The following MYO7A variants were observed in gnomAD, a reference collection of about 807,000 sequenced individuals.
MYO7A encodes myosin VIIA.
In MYO7A, 210 loss-of-function variants were observed where a neutral mutation model predicts 263.8. The observed-to-expected ratio is 0.80, with a 90% CI of 0.71 to 0.89. The LOEUF is 0.89. Ranked by LOEUF, MYO7A falls within the 40% of genes least tolerant of loss-of-function variation. MYO7A has a pLI of 0.00. For missense variants in MYO7A, 2,820 were observed against 2,968.3 expected, an observed-to-expected ratio of 0.95 and a Z score of 1.16; for synonymous variants, 1,239 against 1,197.3, an observed-to-expected ratio of 1.03 and a Z score of -0.72.
At chr11:77,186,840 A>C (rs1955680587) in intron 27 of MYO7A, among the ~76,000 whole-genome samples, 1 of 152,224 alleles carries the variant, frequency 6.6e-6, no homozygotes, top group South Asian at 2.1e-4. Flanking sequence ...TGCTTTGCAC[A>C]AGAGGCCCAG....
At chr11:77,190,202 G>C (rs1955951411) in intron 29 of MYO7A, 63 bp downstream of exon 29, 2 of 1,430,712 alleles carry the variant, frequency 1.4e-6, no homozygotes, top group Non-Finnish European at 1.9e-6. Flanking sequence ...ATGCGTGTGT[G>C]TGTGTGTCCA....
At chr11:77,178,576 T>C (rs1012603047) in intron 19 of MYO7A, among the ~76,000 whole-genome samples, 2 of 152,180 alleles carry the variant, frequency 1.3e-5, no homozygotes, top group African/African-American at 4.8e-5. Context: ...ATGGTCTCTG[T>C]CCTCTATCAG....
chr11:77,177,649 TG>T lies in MYO7A; in HGVS notation c.2282+7del. 1 of 1,603,656 alleles carries T rather than the reference TG, an allele frequency of 6.2e-7. No individual in the cohort carries two copies. The highest frequency in any genetic ancestry group is 2.2e-5 in the East Asian group (1 of 44,572). ...ATCCGGGGATTCAAAGACAGGTGCG[TG>T]TTCCCACCAGCTCCTCCCCTCCTCA... On this transcript the variant is annotated splice_region_variant and intron_variant, in intron 19 of 48. Transcript: ENST00000409709.
In MYO7A at chr11:77,159,472, C is replaced by G; in HGVS notation, c.1029C>G (p.Ala343=). 2 of 1,594,946 alleles carry G rather than the reference C, an allele frequency of 1.3e-6. No homozygotes were observed. The highest frequency in any genetic ancestry group is 1.7e-6 in the Non-Finnish European group (2 of 1,168,774). ...YEARTFENLD[A]CEVLFSPSLA... ...CACGCACATTTGAAAACCTGGATGC[C>G]TGTGAGGTTCTCTTCTCCCCATCGC... The change falls in exon 10 of 49, where the codon GCC becomes GCG. Residue 343 remains alanine, a synonymous_variant. Transcript: ENST00000409709.
At position 77,199,564 on chromosome 11, in the gene MYO7A, G is replaced by A. The variant is rs772023864; in HGVS notation, c.4598G>A (p.Cys1533Tyr). The change falls in exon 35 of 49, where the codon TGC becomes TAC. Residue 1533 changes from cysteine to tyrosine, a missense_variant. Cys to Tyr is a radical substitution (Grantham distance 194). Transcript: ENST00000409709. ...TGCCGTGTCTGGCTCTCACTGGGCT[G>A]CTCTGATCTTGGCTGTGCTGCGCCT... ...RECRVWLSLG[C>Y]SDLGCAAPHS... The A allele has an allele frequency of 6.5e-7, 1 of 1,537,052 alleles. No homozygotes were observed. The highest frequency in any genetic ancestry group is 2.4e-5 in the East Asian group (1 of 41,424).
chr11:77,177,862 AT>A (rs1384046799), intron 19 of MYO7A, among the ~76,000 whole-genome samples: 2 of 152,198 alleles, frequency 1.3e-5, no homozygotes, highest in East Asian at 3.8e-4. Flanking sequence ...AAGCCAAATA[AT>A]GCAATACATT....
chr11:77,129,079 A>T (rs782186909), intron 1 of MYO7A, among the ~76,000 whole-genome samples: 40 of 152,208 alleles, frequency 2.6e-4, no homozygotes, highest in Admixed American at 6.5e-4. Context: ...GGTCATTTTA[A>T]AATGTGGCCC....
intron 2 of MYO7A, among the ~76,000 whole-genome samples, chr11:77,139,096 G>A (rs1411345502): frequency 6.6e-6 from 1 of 152,332 alleles, no homozygotes; most frequent in East Asian, 1.9e-4. Context: ...ATTTGCATGG[G>A]TCTCTCATCT....
intron 47 of MYO7A, 124 bp downstream of exon 47, chr11:77,213,159 G>A (rs561437983): frequency 9.4e-5 from 72 of 762,684 alleles, no homozygotes; most frequent in Non-Finnish European, 1.3e-4. Context: ...CACCCATCAC[G>A]TGGCTTCAAA....
At position 77,207,402 on chromosome 11, in the gene MYO7A, G is replaced by A. The variant is rs1453053718; in HGVS notation, c.5856G>A (p.Lys1952=). Residue 1952 remains lysine (K), a splice_region_variant and synonymous_variant, in exon 42 of 49, where the codon AAG becomes AAA. Coordinates refer to ENST00000409709, the MANE Select transcript of MYO7A (RefSeq NM_000260.4). ...GCCTCTTTGTCAAAATTGCAGACAAGGTGGGTCCTTTGCCACCTTCGCCAA... is the reference window on the plus strand; with the variant it reads ...GCCTCTTTGTCAAAATTGCAGACAAAGTGGGTCCTTTGCCACCTTCGCCAA... The part of the protein sequence containing the change: ...GFSLFVKIAD[K]VLSVPENDFF... The A allele has an allele frequency of 1.9e-6, 3 of 1,599,736 alleles. No homozygotes were observed. The highest frequency in any genetic ancestry group is 1.7e-5 in the Admixed American group (1 of 58,590).
intron 17 of MYO7A, 147 bp downstream of exon 17, chr11:77,175,061 T>C: frequency 9.7e-7 from 1 of 1,029,356 alleles, no homozygotes; most frequent in Non-Finnish European, 1.4e-6. Context: ...GTTCAGGTAT[T>C]GGAATGCATC....
chr11:77,200,743 C>G (rs1363564051), intron 35 of MYO7A, among the ~76,000 whole-genome samples: 1 of 152,248 alleles, frequency 6.6e-6, no homozygotes, highest in East Asian at 1.9e-4. Flanking sequence ...TTCTCCCTCC[C>G]TTCTTCTGGC....
chr11:77,212,254 G>A (rs550999900), intron 46 of MYO7A: 142 of 501,742 alleles, frequency 2.8e-4, no homozygotes, highest in African/African-American at 2.6e-3. Flanking sequence ...TCTGCCGGGT[G>A]TGAGAAGGCC....
chr11:77,182,409 C>G lies in MYO7A; in HGVS notation c.3109-15C>G, dbSNP rs369729874. ...GTCCTCCGCTCTGGCCTCTGACATG[C>G]GCGCTCTGCCCCAGGCAGCCCTGGC... On this transcript the variant is annotated splice_polypyrimidine_tract_variant and intron_variant, in intron 24 of 48. Coordinates refer to ENST00000409709, the MANE Select transcript of MYO7A (RefSeq NM_000260.4). The G allele has an allele frequency of 6.3e-7, 1 of 1,594,784 alleles. No homozygotes were observed. Among genetic ancestry groups the G allele is most frequent in the Non-Finnish European group, 8.5e-7 (1 of 1,176,070 alleles).
intron 14 of MYO7A, 118 bp downstream of exon 14, chr11:77,163,106 A>G: frequency 9.7e-7 from 1 of 1,033,292 alleles, no homozygotes; most frequent in South Asian, 1.8e-5. Flanking sequence ...GATTATTCAT[A>G]TATATATATA....
chr11:77,142,647 C>T (rs1272201862), intron 2 of MYO7A, 62 bp from the exon 3 acceptor site: 2 of 1,411,906 alleles, frequency 1.4e-6, no homozygotes, highest in African/African-American at 2.9e-5. Flanking sequence ...TATAGGGCTG[C>T]CTGGAAGGGG....
At position 77,202,990 on chromosome 11, in the gene MYO7A, C is replaced by T. The variant is rs1591474278; in HGVS notation, c.5169-70C>T. ...CAGGGATGGGTGGGGGTGGGGGTCTCACAACCTGGGGGTTTCTCCCCGGGG... is the reference window on the plus strand; with the variant it reads ...CAGGGATGGGTGGGGGTGGGGGTCTTACAACCTGGGGGTTTCTCCCCGGGG... On this transcript the variant is annotated intron_variant, in intron 37 of 48. Coordinates refer to ENST00000409709, the MANE Select transcript of MYO7A (RefSeq NM_000260.4). 4.0e-6 allele frequency: 6 copies of T among 1,518,108 alleles called. No individual in the cohort carries two copies. The African/African-American group carries it at 4.1e-5, about 10-fold the overall frequency. The allele number at this position is 1,518,108 out of a possible 1,614,324, so 94.0% of individuals were successfully genotyped here.
At chr11:77,196,743 A>C (rs563867228) in intron 32 of MYO7A, among the ~76,000 whole-genome samples, 1 of 152,046 alleles carries the variant, frequency 6.6e-6, no homozygotes, top group East Asian at 1.9e-4. Flanking sequence ...TCATGGGTGG[A>C]GATGGGGCCG....
At chr11:77,165,074 G>C (rs1555071624) in intron 14 of MYO7A, among the ~76,000 whole-genome samples, 1 of 152,190 alleles carries the variant, frequency 6.6e-6, no homozygotes, top group African/African-American at 2.4e-5. Context: ...CCCAGAATGG[G>C]GGTCTTTCTA....
Sources: gnomAD v4.1 joint callset for allele counts (sites outside exome capture counted in the v4.1 genomes callset) on GRCh38, gnomAD v4.1.1 for gene constraint, MANE v1.5 for transcripts, NCBI Gene and HGNC (gene_info 2026-07-23, HGNC 2026-07-21) for gene names.